The following DSCAM variants were observed in gnomAD, a reference collection of about 807,000 sequenced individuals.
DSCAM encodes the protein cell adhesion molecule DSCAM.
In DSCAM, 47 loss-of-function variants were observed where a neutral mutation model predicts 217.7. The observed-to-expected ratio is 0.22, with a 90% CI of 0.17 to 0.28. The LOEUF (loss-of-function observed/expected upper bound fraction) is 0.28, where lower values mean the gene tolerates loss of function less well. Ranked by LOEUF, DSCAM falls within the 10% of genes least tolerant of loss-of-function variation. The probability of loss-of-function intolerance (pLI) is 1.00; values close to 1 mark genes in which losing one functional copy is unlikely to be tolerated. For synonymous variants in DSCAM, 1,056 were observed against 1,015.3 expected (o/e 1.04, Z -0.76); for missense variants, 2,080 against 2,618.3 (o/e 0.79, Z 4.49).
At position 40,394,023 on chromosome 21, in the gene DSCAM, C is replaced by G. The variant is rs182697455; in HGVS notation, c.509-24778G>C. ...AATTATTTCTTTAATACAGTTCTCT[C>G]AAGGAAAGTTTCTGTGGTCAAATCT... On this transcript the variant is annotated intron_variant, in intron 3 of 32. Coordinates refer to ENST00000400454, the MANE Select transcript of DSCAM (RefSeq NM_001389.5). 3.9e-5 allele frequency among the ~76,000 whole-genome samples: 6 copies of G among 152,262 alleles called. No individual in the cohort carries two copies. The East Asian group carries it at 1.2e-3, about 29-fold the overall frequency.
chr21:40,650,318 C>T (rs1218225177), intron 3 of DSCAM, among the ~76,000 whole-genome samples: 1 of 152,184 alleles, frequency 6.6e-6, no homozygotes, highest in Non-Finnish European at 1.5e-5. Flanking sequence ...ATCAATTTCA[C>T]AAGGGTGGAG....
intron 3 of DSCAM, among the ~76,000 whole-genome samples, chr21:40,571,250 C>A (rs2076804187): frequency 6.6e-6 from 1 of 151,746 alleles, no homozygotes; most frequent in Admixed American, 6.6e-5. Context: ...ACATTGAATT[C>A]TACATTTAGT....
At chr21:40,722,457 G>T (rs932523846) in intron 1 of DSCAM, among the ~76,000 whole-genome samples, 3 of 152,092 alleles carry the variant, frequency 2.0e-5, no homozygotes, top group African/African-American at 7.2e-5. Context: ...TTGAAAGTAA[G>T]CCATGTTACT....
At chr21:40,185,838 C>T (rs747324139) in intron 14 of DSCAM, among the ~76,000 whole-genome samples, 30 of 152,142 alleles carry the variant, frequency 2.0e-4, no homozygotes, top group Non-Finnish European at 4.3e-4. Flanking sequence ...TGGGTGAGCC[C>T]CCCAGGTCAC....
chr21:40,528,948 G>C (rs529664242), intron 3 of DSCAM, among the ~76,000 whole-genome samples: 11 of 134,636 alleles, frequency 8.2e-5, no homozygotes, highest in Non-Finnish European at 1.7e-4. Flanking sequence ...CTGTCGCCCA[G>C]GCTGGAGTGC....
intron 1 of DSCAM, among the ~76,000 whole-genome samples, chr21:40,795,408 G>C (rs985564643): frequency 6.6e-6 from 1 of 151,792 alleles, no homozygotes; most frequent in African/African-American, 2.4e-5. Context: ...ACAAGCTATA[G>C]TGATTCCCCT....
intron 1 of DSCAM, among the ~76,000 whole-genome samples, chr21:40,745,424 C>A (rs932312955): frequency 1.3e-5 from 2 of 152,160 alleles, no homozygotes; most frequent in African/African-American, 4.8e-5. Flanking sequence ...AAACATATCA[C>A]ATTCACCTGA....
chr21:40,457,635 G>A (rs2075774672), intron 3 of DSCAM, among the ~76,000 whole-genome samples: 1 of 152,092 alleles, frequency 6.6e-6, no homozygotes. Flanking sequence ...TTCATATTAT[G>A]AAAAGAAATA....
At chr21:40,486,074 T>G (rs529553124) in intron 3 of DSCAM, among the ~76,000 whole-genome samples, 2 of 152,270 alleles carry the variant, frequency 1.3e-5, no homozygotes, top group South Asian at 4.1e-4. Flanking sequence ...AATATTCAAA[T>G]TACACATCAA....
At chr21:40,309,327 C>A (rs1053925858) in intron 9 of DSCAM, among the ~76,000 whole-genome samples, 1 of 152,178 alleles carries the variant, frequency 6.6e-6, no homozygotes, top group African/African-American at 2.4e-5. Context: ...CTTCCTAAAC[C>A]AGTGACCAAC....
Position 40,144,525 on chromosome 21 carries a change from A to G in DSCAM, c.3225T>C (p.Ser1075=), listed in dbSNP as rs761005984. Residue 1075 remains serine (S), a synonymous_variant, in exon 17 of 33, where the codon TCT becomes TCC. Transcript: ENST00000400454. The surrounding 1 kb of genome is among the most constrained non-coding windows in gnomAD (Gnocchi z 4.8). Reference sequence around the variant, plus strand: ...GAGTGGTGGTGATGATTTCCTGAGAAGAAGGCCCCGTGCCGGCCCGGTTAC... The same window carrying G: ...GAGTGGTGGTGATGATTTCCTGAGAGGAAGGCCCCGTGCCGGCCCGGTTAC... The part of the protein sequence containing the change: ...QACNRAGTGP[S]SQEIITTTLE... The G allele has an allele frequency of 1.2e-6, 2 of 1,614,208 alleles. No homozygotes were observed. The highest frequency in any genetic ancestry group is 1.7e-6 in the Non-Finnish European group (2 of 1,180,032).
intron 32 of DSCAM, among the ~76,000 whole-genome samples, chr21:40,019,731 C>T (rs369433578): frequency 1.2e-4 from 18 of 152,264 alleles, no homozygotes; most frequent in South Asian, 8.3e-4. Context: ...CAAATGCCCT[C>T]GGCATCCCTG....
intron 26 of DSCAM, among the ~76,000 whole-genome samples, chr21:40,075,576 T>C (rs924160414): frequency 2.0e-5 from 3 of 152,144 alleles, no homozygotes; most frequent in Non-Finnish European, 4.4e-5. Context: ...ATAGAGACTA[T>C]TCGAAAAAAT....
intron 3 of DSCAM, among the ~76,000 whole-genome samples, chr21:40,645,501 TTTAA>T (rs1265257416): frequency 1.3e-5 from 2 of 152,194 alleles, no homozygotes; most frequent in East Asian, 1.9e-4. Context: ...CATGTGATGC[TTTAA>T]TTCAGTTTTT....
chr21:40,221,450 T>C (rs1569007903), intron 11 of DSCAM, among the ~76,000 whole-genome samples: 1 of 148,558 alleles, frequency 6.7e-6, no homozygotes, highest in Non-Finnish European at 1.5e-5. Flanking sequence ...ATAAATAACA[T>C]AAAATATATA....
chr21:40,599,428 T>C (rs1387547091), intron 3 of DSCAM, among the ~76,000 whole-genome samples: 1 of 152,158 alleles, frequency 6.6e-6, no homozygotes, highest in African/African-American at 2.4e-5. Flanking sequence ...TGTGTCCATG[T>C]GTTATCATTG....
At chr21:40,359,803 T>C (rs1408746554) in intron 4 of DSCAM, among the ~76,000 whole-genome samples, 1 of 152,152 alleles carries the variant, frequency 6.6e-6, no homozygotes, top group Non-Finnish European at 1.5e-5. Context: ...GACATTGAAA[T>C]TGGCTTCAAA....
chr21:40,361,705 C>T (rs901928097), intron 4 of DSCAM, among the ~76,000 whole-genome samples: 5 of 152,142 alleles, frequency 3.3e-5, no homozygotes, highest in Non-Finnish European at 7.4e-5. Flanking sequence ...AGCATGTTTC[C>T]CTAATAAAAA....
chr21:40,035,900 T>C lies in DSCAM; in HGVS notation c.5686+6471A>G, dbSNP rs1209769889. On this transcript the variant is annotated intron_variant, in intron 32 of 32. Coordinates refer to ENST00000400454, the MANE Select transcript of DSCAM (RefSeq NM_001389.5). ...TCAACTACATGGAAACTGAACAACC[T>C]GCTCCTGAATGACTACTGGGTACAT... Among the ~76,000 whole-genome samples the C allele has an allele frequency of 1.3e-5, 2 of 148,354 alleles. 1 individual carries two copies. Among genetic ancestry groups the C allele is most frequent in the African/African-American group, 5.2e-5 (2 of 38,312 alleles).
Sources: gnomAD v4.1 joint callset for allele counts (sites outside exome capture counted in the v4.1 genomes callset) on GRCh38, gnomAD v4.1.1 for gene constraint, Gnocchi (gnomAD v3.1) non-coding constraint, MANE v1.5 for transcripts, NCBI Gene and HGNC (gene_info 2026-07-23, HGNC 2026-07-21) for gene names.